Variants in SLC13A3 observed in about 807,000 individuals in gnomAD.
SLC13A3 encodes Na(+)/dicarboxylate cotransporter 3.
SLC13A3 carries 40 observed loss-of-function variants against 59.0 expected under a neutral mutation model. That is an observed-to-expected ratio of 0.68 (90% CI 0.53 to 0.88). The LOEUF (loss-of-function observed/expected upper bound fraction) is 0.88, where lower values mean the gene tolerates loss of function less well. SLC13A3 is among the 40% of genes least tolerant of loss of function. The pLI is 0.00. For synonymous variants in SLC13A3, 317 were observed against 330.3 expected (o/e 0.96, Z 0.44); for missense variants, 699 against 783.2 (o/e 0.89, Z 1.28).
intron 3 of SLC13A3, among the ~76,000 whole-genome samples, chr20:46,600,774 C>T (rs571138966): frequency 1.3e-5 from 2 of 152,288 alleles, no homozygotes; most frequent in East Asian, 3.9e-4. Context: ...CCCTGGCTTC[C>T]ATGGAGGTCA....
chr20:46,597,584 C>A (rs540134549), intron 4 of SLC13A3, among the ~76,000 whole-genome samples: 80 of 152,168 alleles, frequency 5.3e-4, no homozygotes, highest in African/African-American at 1.8e-3. Context: ...TTATAGGTGC[C>A]CACCACCATG....
intron 4 of SLC13A3, among the ~76,000 whole-genome samples, chr20:46,599,619 AT>A (rs1277152361): frequency 6.6e-6 from 1 of 152,250 alleles, no homozygotes; most frequent in East Asian, 1.9e-4. Context: ...TTTTGTCTGT[AT>A]GGACTGTTAA....
chr20:46,611,725 C>G (rs2062495784), intron 2 of SLC13A3, among the ~76,000 whole-genome samples: 2 of 152,222 alleles, frequency 1.3e-5, no homozygotes, highest in African/African-American at 4.8e-5. Flanking sequence ...GGCCTTCTAA[C>G]TGGGATGTAT....
At chr20:46,567,647 G>A (rs2061992344) in intron 10 of SLC13A3, among the ~76,000 whole-genome samples, 1 of 152,104 alleles carries the variant, frequency 6.6e-6, no homozygotes, top group South Asian at 2.1e-4. Context: ...CCACTCGCCT[G>A]TCAGTGCTGC....
At position 46,564,054 on chromosome 20, in the gene SLC13A3, C is replaced by T. The variant is rs538036266; in HGVS notation, c.1495-503G>A. 5.9e-5 allele frequency among the ~76,000 whole-genome samples: 9 copies of T among 152,308 alleles called. No homozygotes were observed. The South Asian group carries it at 1.9e-3, about 32-fold the overall frequency. On this transcript the variant is annotated intron_variant, in intron 11 of 12. Coordinates refer to ENST00000279027, the MANE Select transcript of SLC13A3 (RefSeq NM_022829.6). ...CAAGAATCTGCATTCCTGACGTGTTCCCCCGGTGCTGCTGGTCTAAGGACT... is the reference window on the plus strand; with the variant it reads ...CAAGAATCTGCATTCCTGACGTGTTTCCCCGGTGCTGCTGGTCTAAGGACT...
At chr20:46,624,125 G>C (rs2062643882) in intron 1 of SLC13A3, among the ~76,000 whole-genome samples, 1 of 152,094 alleles carries the variant, frequency 6.6e-6, no homozygotes. Flanking sequence ...TCTCCCACAA[G>C]GCATGCTAAT....
intron 1 of SLC13A3, among the ~76,000 whole-genome samples, chr20:46,629,602 AAT>A (rs1425285250): frequency 6.6e-6 from 1 of 151,876 alleles, no homozygotes; most frequent in Non-Finnish European, 1.5e-5. Flanking sequence ...CATTTTGTTC[AAT>A]CTTTTTTAGC....
At chr20:46,592,361 C>A in intron 6 of SLC13A3, 43 bp downstream of exon 6, 1 of 1,609,932 alleles carries the variant, frequency 6.2e-7, no homozygotes, top group Non-Finnish European at 8.5e-7. Flanking sequence ...AAACGCCATT[C>A]CCTGCTTCCC....
intron 11 of SLC13A3, among the ~76,000 whole-genome samples, chr20:46,564,862 C>T (rs987823179): frequency 6.6e-6 from 1 of 152,198 alleles, no homozygotes; most frequent in Non-Finnish European, 1.5e-5. Flanking sequence ...AAACCAACAA[C>T]TGTCCATTTA....
chr20:46,577,623 G>T (rs558281214), intron 9 of SLC13A3, among the ~76,000 whole-genome samples: 1 of 152,168 alleles, frequency 6.6e-6, no homozygotes, highest in African/African-American at 2.4e-5. Flanking sequence ...CATGCCAAGT[G>T]CTCAGTTAAT....
At chr20:46,600,913 A>C (rs1321532067) in intron 3 of SLC13A3, among the ~76,000 whole-genome samples, 4 of 152,218 alleles carry the variant, frequency 2.6e-5, no homozygotes, top group Admixed American at 6.5e-5. Flanking sequence ...TCTCCCTTCA[A>C]CAGAGAAGAC....
intron 1 of SLC13A3, among the ~76,000 whole-genome samples, chr20:46,639,917 G>C (rs927800544): frequency 5.9e-5 from 9 of 152,204 alleles, no homozygotes; most frequent in African/African-American, 2.2e-4. Flanking sequence ...GGTGAGGTTT[G>C]AATCTTACCT....
chr20:46,631,306 C>T (rs547527138), intron 1 of SLC13A3, among the ~76,000 whole-genome samples: 11 of 152,272 alleles, frequency 7.2e-5, no homozygotes, highest in Middle Eastern at 6.8e-3. Context: ...GTCCACAGTG[C>T]TGAACAAAGT....
intron 1 of SLC13A3, among the ~76,000 whole-genome samples, chr20:46,617,976 C>T (rs1031788905): frequency 3.9e-5 from 6 of 152,180 alleles, no homozygotes; most frequent in Non-Finnish European, 5.9e-5. Flanking sequence ...TATGAGTCCT[C>T]GGTGGAGATT....
intron 10 of SLC13A3, 76 bp downstream of exon 10, chr20:46,575,497 G>A: frequency 1.3e-6 from 1 of 792,028 alleles, no homozygotes; most frequent in Non-Finnish European, 2.0e-6. Flanking sequence ...TGATCCTGGT[G>A]CTGCAGCCAG....
At chr20:46,607,618 CACT>C (rs2062448960) in intron 3 of SLC13A3, among the ~76,000 whole-genome samples, 1 of 152,230 alleles carries the variant, frequency 6.6e-6, no homozygotes. Context: ...GCATGGCCAC[CACT>C]GTGTGTGGCC....
intron 1 of SLC13A3, among the ~76,000 whole-genome samples, chr20:46,650,455 G>A (rs549637112): frequency 2.0e-5 from 3 of 152,256 alleles, no homozygotes; most frequent in African/African-American, 7.2e-5. Context: ...ATCCTCACCC[G>A]TAGTAAGCAC....
chr20:46,587,394 G>A (rs1239393768), intron 8 of SLC13A3, among the ~76,000 whole-genome samples: 3 of 152,100 alleles, frequency 2.0e-5, no homozygotes, highest in African/African-American at 2.4e-5. Context: ...TAACATGCCC[G>A]AAAAGACACT....
intron 12 of SLC13A3, among the ~76,000 whole-genome samples, chr20:46,562,865 G>T (rs770360884): frequency 4.6e-5 from 7 of 152,158 alleles, no homozygotes; most frequent in Non-Finnish European, 7.4e-5. Context: ...TAAGCAGGTC[G>T]CCCGTCTTGG....
Sources: gnomAD v4.1 joint callset for allele counts (sites outside exome capture counted in the v4.1 genomes callset) on GRCh38, gnomAD v4.1.1 for gene constraint, MANE v1.5 for transcripts, NCBI Gene and HGNC (gene_info 2026-07-23, HGNC 2026-07-21) for gene names.